Variants in TMEM108 observed in about 807,000 individuals in gnomAD.
TMEM108 encodes transmembrane protein 108.
In TMEM108, 12 loss-of-function variants were observed where a neutral mutation model predicts 35.1. The observed-to-expected ratio is 0.34, with a 90% CI of 0.22 to 0.55. The LOEUF is 0.55. TMEM108 is among the 20% of genes least tolerant of loss of function. The probability of loss-of-function intolerance (pLI) is 0.89; values close to 1 mark genes in which losing one functional copy is unlikely to be tolerated. For synonymous variants in TMEM108, 287 were observed against 308.6 expected (o/e 0.93, Z 0.73); for missense variants, 680 against 753.3 (o/e 0.90, Z 1.14).
At chr3:133,039,171 G>GT (rs763300695) in intron 1 of TMEM108, among the ~76,000 whole-genome samples, 3 of 152,216 alleles carry the variant, frequency 2.0e-5, no homozygotes, top group Non-Finnish European at 4.4e-5. Context: ...CAGATGCAGC[G>GT]TAACTGATGA....
chr3:133,131,802 A>G (rs984742181), intron 2 of TMEM108, among the ~76,000 whole-genome samples: 2 of 152,174 alleles, frequency 1.3e-5, no homozygotes, highest in Non-Finnish European at 2.9e-5. Context: ...GGAAATTAAA[A>G]GTCCTACTCC....
chr3:133,290,674 C>G (rs772744590), intron 3 of TMEM108, among the ~76,000 whole-genome samples: 3 of 151,474 alleles, frequency 2.0e-5, no homozygotes, highest in Non-Finnish European at 4.4e-5. Flanking sequence ...GAAACAGAAC[C>G]CTGAAGTTAA....
At chr3:133,350,724 C>T (rs2107768747) in intron 3 of TMEM108, among the ~76,000 whole-genome samples, 1 of 152,188 alleles carries the variant, frequency 6.6e-6, no homozygotes, top group East Asian at 1.9e-4. Flanking sequence ...GGCAGTAATT[C>T]CAGGAACCCC....
At chr3:133,054,132 A>G (rs1943437593) in intron 2 of TMEM108, among the ~76,000 whole-genome samples, 1 of 152,256 alleles carries the variant, frequency 6.6e-6, no homozygotes, top group African/African-American at 2.4e-5. Context: ...ACCTCAGTCT[A>G]GTTTAATTAC....
At chr3:133,062,892 G>T (rs560016909) in intron 2 of TMEM108, among the ~76,000 whole-genome samples, 3 of 152,184 alleles carry the variant, frequency 2.0e-5, no homozygotes, top group Non-Finnish European at 4.4e-5. Context: ...TGTTTTTGCC[G>T]AGTGAGCAGG....
At chr3:133,090,682 A>G (rs140233456) in intron 2 of TMEM108, among the ~76,000 whole-genome samples, 138 of 152,362 alleles carry the variant, frequency 9.1e-4, no homozygotes, top group Non-Finnish European at 1.6e-3. Context: ...CAGCATCCAC[A>G]GAAACTCATT....
Position 133,092,677 on chromosome 3 carries a change from T to C in TMEM108, c.-47+46657T>C, listed in dbSNP as rs939570. 7.4e-4 allele frequency among the ~76,000 whole-genome samples: 113 copies of C among 152,348 alleles called. 2 individuals are homozygous for C. Among genetic ancestry groups the C allele is most frequent in the Admixed American group, 6.8e-3 (104 of 15,300 alleles). On this transcript the variant is annotated intron_variant, in intron 2 of 5. Transcript: ENST00000321871. ...TTCCTAATTCATGGTATAGTCTTGATAATGTTAATAGCAGCAAAATCATTT... is the reference window on the plus strand; with the variant it reads ...TTCCTAATTCATGGTATAGTCTTGACAATGTTAATAGCAGCAAAATCATTT...
intron 3 of TMEM108, among the ~76,000 whole-genome samples, chr3:133,260,564 G>A (rs1342464019): frequency 6.6e-6 from 1 of 152,202 alleles, no homozygotes; most frequent in African/African-American, 2.4e-5. Flanking sequence ...GAGCATAGTG[G>A]TGAGAGAGAA....
chr3:133,333,379 A>T (rs1455333540), intron 3 of TMEM108, among the ~76,000 whole-genome samples: 1 of 152,168 alleles, frequency 6.6e-6, no homozygotes, highest in East Asian at 1.9e-4. Flanking sequence ...TCAAAAAAAA[A>T]AAATCAAATA....
chr3:133,344,223 A>T (rs2071747685), intron 3 of TMEM108, among the ~76,000 whole-genome samples: 2 of 151,958 alleles, frequency 1.3e-5, no homozygotes, highest in South Asian at 4.1e-4. Context: ...AAATTTAAAA[A>T]ATAAAAAATT....
At chr3:133,125,530 G>A (rs16840014) in intron 2 of TMEM108, among the ~76,000 whole-genome samples, 3 of 152,078 alleles carry the variant, frequency 2.0e-5, no homozygotes, top group Non-Finnish European at 4.4e-5. Flanking sequence ...CATGGATGCT[G>A]TTCTCATTTG....
At chr3:133,335,352 A>G (rs2071472063) in intron 3 of TMEM108, among the ~76,000 whole-genome samples, 1 of 152,214 alleles carries the variant, frequency 6.6e-6, no homozygotes, top group South Asian at 2.1e-4. Flanking sequence ...AAAAAAAGCA[A>G]AAGTCAGAAC....
rs372653564 is a variant in TMEM108, at chr3:133,230,843, G to T, written c.40+1492G>T. On this transcript the variant is annotated intron_variant, in intron 3 of 5. Transcript: ENST00000321871. ...GAGACAAGACTTATCCTATGACGAG[G>T]TCCATCCTCTTATATTGAGCAACTC... 2.0e-5 allele frequency among the ~76,000 whole-genome samples: 3 copies of T among 152,190 alleles called. No homozygotes were observed. The South Asian group carries it at 6.2e-4, about 32-fold the overall frequency.
intron 3 of TMEM108, among the ~76,000 whole-genome samples, chr3:133,351,349 A>G (rs2071991121): frequency 6.6e-6 from 1 of 152,172 alleles, no homozygotes; most frequent in Admixed American, 6.5e-5. Flanking sequence ...TAAAGAGAGC[A>G]TGGCCTCCAG....
chr3:133,115,859 A>G (rs941625996), intron 2 of TMEM108, among the ~76,000 whole-genome samples: 5 of 152,240 alleles, frequency 3.3e-5, no homozygotes, highest in African/African-American at 4.8e-5. Flanking sequence ...TTTTGACTGT[A>G]GAGTCACTGC....
chr3:133,336,902 TA>T (rs1265874880), intron 3 of TMEM108, among the ~76,000 whole-genome samples: 3 of 152,100 alleles, frequency 2.0e-5, no homozygotes, highest in East Asian at 3.9e-4. Flanking sequence ...ATGTTGGCAG[TA>T]GACTGGCAGT....
intron 2 of TMEM108, among the ~76,000 whole-genome samples, chr3:133,190,834 G>T: frequency 6.6e-6 from 1 of 152,046 alleles, no homozygotes; most frequent in Admixed American, 6.6e-5. Context: ...TTTCTTCCTC[G>T]CTCTTATGAA....
chr3:133,149,819 C>T (rs906484032), intron 2 of TMEM108, among the ~76,000 whole-genome samples: 1 of 151,728 alleles, frequency 6.6e-6, no homozygotes, highest in Non-Finnish European at 1.5e-5. Context: ...GATACATATA[C>T]ATAAGGGAAT....
chr3:133,103,674 T>A (rs1244627493), intron 2 of TMEM108, among the ~76,000 whole-genome samples: 1 of 152,186 alleles, frequency 6.6e-6, no homozygotes, highest in Non-Finnish European at 1.5e-5. Flanking sequence ...CACCCCTCCA[T>A]GTTTCTGTCA....
Sources: allele counts gnomAD v4.1 joint callset (sites outside exome capture counted in the v4.1 genomes callset), GRCh38; gene constraint gnomAD v4.1.1; transcripts MANE v1.5; gene names NCBI Gene and HGNC (gene_info 2026-07-23, HGNC 2026-07-21).